The following KREMEN2 variants were observed in gnomAD, a reference collection of about 807,000 sequenced individuals.
KREMEN2 encodes the protein kremen protein 2.
A neutral mutation model predicts 49.8 loss-of-function variants in KREMEN2; 43 were observed. The observed-to-expected ratio is 0.86, with a 90% CI of 0.68 to 1.11. KREMEN2 has a LOEUF of 1.11. Ranked by LOEUF, KREMEN2 falls within the 50% of genes most tolerant of loss-of-function variation. The probability of loss-of-function intolerance (pLI) is 0.00; values close to 1 mark genes in which losing one functional copy is unlikely to be tolerated. For synonymous variants in KREMEN2, 355 were observed against 304.9 expected, an observed-to-expected ratio of 1.16 and a Z score of -1.71; for missense variants, 686 against 665.7, an observed-to-expected ratio of 1.03 and a Z score of -0.34.
chr16:2,964,650 AC>A (rs770013252), intron 1 of KREMEN2, 36 bp downstream of exon 1: 48 of 1,527,108 alleles, frequency 3.1e-5, no homozygotes, highest in Non-Finnish European at 4.3e-5. Context: ...CGTGTTCACC[AC>A]CCCTTCCTCG....
Position 2,964,924 on chromosome 16 carries a change from CGCGGG to C in KREMEN2, c.166_170del (p.Ala56ProfsTer34). 3 of 1,604,794 alleles carry C rather than the reference CGCGGG, an allele frequency of 1.9e-6. No homozygotes were observed. Among genetic ancestry groups the C allele is most frequent in the Non-Finnish European group, 2.6e-6 (3 of 1,176,304 alleles). On this transcript the variant is annotated frameshift_variant, in exon 2 of 9. Transcript: ENST00000303746. LOFTEE classifies it high-confidence loss of function. ...CGGCCACCAGAACCGCACTGGCCCG[CGCGGG>C]GCGGGCCGCCCGTGCCTCTTCTGGG... is the stretch of plus-strand genomic sequence containing the variant.
At position 2,966,539 on chromosome 16, in the gene KREMEN2, C is replaced by T; in HGVS notation, c.486+90C>T. The T allele has an allele frequency of 6.3e-7, 1 of 1,581,604 alleles. No homozygotes were observed. The highest frequency in any genetic ancestry group is 8.6e-7 in the Non-Finnish European group (1 of 1,168,112). On this transcript the variant is annotated intron_variant, in intron 4 of 8. Coordinates refer to ENST00000303746, the MANE Select transcript of KREMEN2 (RefSeq NM_172229.3). This position sits in a 1 kb window ranked among gnomAD's most constrained non-coding sequence, Gnocchi z 8.4. Reference sequence around the variant, plus strand: ...ACACTCGGTTGCCAAACCCAGACACCGGTTTCTGAACCTCCAGCCCGATTC... The same window carrying T: ...ACACTCGGTTGCCAAACCCAGACACTGGTTTCTGAACCTCCAGCCCGATTC...
At position 2,964,303 on chromosome 16, in the gene KREMEN2, G is replaced by T. The variant is rs1487777259; in HGVS notation, c.-218G>T. 4 of 439,522 alleles carry T rather than the reference G, an allele frequency of 9.1e-6. No homozygotes were observed. Among genetic ancestry groups the T allele is most frequent in the African/African-American group, 8.2e-5 (4 of 48,678 alleles). The allele number at this position is 439,522 out of a possible 1,614,324, so 27.2% of individuals were successfully genotyped here. ...TTCCCCCCGGAGAGACCCGGGTAGGGACAGGGACAGAGAGACGCCTCTAGG... is the reference window on the plus strand; with the variant it reads ...TTCCCCCCGGAGAGACCCGGGTAGGTACAGGGACAGAGAGACGCCTCTAGG... On this transcript the variant is annotated 5_prime_UTR_variant, in exon 1 of 9. Coordinates refer to ENST00000303746, the MANE Select transcript of KREMEN2 (RefSeq NM_172229.3).
chr16:2,967,057 T>G lies in KREMEN2; in HGVS notation c.788T>G (p.Phe263Cys). The G allele has an allele frequency of 6.5e-7, 1 of 1,533,044 alleles. No individual in the cohort carries two copies. Among genetic ancestry groups the G allele is most frequent in the Non-Finnish European group, 8.7e-7 (1 of 1,143,216 alleles). 95.0% of individuals were successfully genotyped at this position (1,533,044 alleles called of 1,614,324 possible). Residue 263 changes from phenylalanine to cysteine, a missense_variant, in exon 6 of 9, where the codon TTC (phenylalanine) becomes TGC (cysteine). Phe to Cys is a radical substitution (Grantham distance 205). Transcript: ENST00000303746. The stretch of plus-strand genomic sequence containing the variant: ...GCGCTGGAGCTCACCTTCCGCCTCT[T>G]CGAGCTGGCCGACCCGCGCGACCGG... ...GAALELTFRL[F>C]ELADPRDRLE...
At chr16:2,965,066 T>C (rs764336190) in intron 2 of KREMEN2, 33 bp downstream of exon 2, 10 of 1,477,738 alleles carry the variant, frequency 6.8e-6, no homozygotes, top group Non-Finnish European at 8.0e-6. Flanking sequence ...GGGGCGAGGC[T>C]GGGCTCACCA....
At chr16:2,965,382 C>T (rs971696698) in intron 2 of KREMEN2, among the ~76,000 whole-genome samples, 4 of 151,956 alleles carry the variant, frequency 2.6e-5, no homozygotes, top group Non-Finnish European at 5.9e-5. Flanking sequence ...TGTCATACAA[C>T]TTATTTTGGG....
rs575798890 is a variant in KREMEN2, at chr16:2,967,378, G to A, written c.1032G>A (p.Ala344=). The change falls in exon 7 of 9, where the codon GCG becomes GCA. Residue 344 remains alanine, a synonymous_variant. Coordinates refer to ENST00000303746, the MANE Select transcript of KREMEN2 (RefSeq NM_172229.3). ...CCGAGGGCTCGGCCCAGACCCCCGC[G>A]GCGCCCCTCGACGGGGCCAACGTGA... The part of the protein sequence containing the change: ...EAPEGSAQTP[A]APLDGANVSC... 5.2e-3 allele frequency: 7,324 copies of A among 1,400,442 alleles called. 19 individuals carry two copies. Among genetic ancestry groups the A allele is most frequent in the Middle Eastern group, 6.8e-3 (26 of 3,848 alleles). 86.8% of individuals were successfully genotyped at this position (1,400,442 alleles called of 1,614,324 possible). A position where few individuals can be genotyped will look rare whatever the true frequency, so the allele number is the denominator to read the frequency against.
In KREMEN2 at chr16:2,966,933, A is replaced by G; in HGVS notation, c.664A>G (p.Asn222Asp). The change falls in exon 6 of 9, where the codon AAC (asparagine) becomes GAC (aspartate). Residue 222 changes from asparagine to aspartate, a missense_variant. By Grantham distance (23) the Asn-to-Asp change is conservative. Coordinates refer to ENST00000303746, the MANE Select transcript of KREMEN2 (RefSeq NM_172229.3). This position sits in a 1 kb window ranked among gnomAD's most constrained non-coding sequence, Gnocchi z 8.4. ...YEVSVGSCQG[N>D]WTAPQGVIYS... is the part of the protein sequence containing the mutation. ...AGTGTCGGTGGGCTCCTGCCAGGGG[A>G]ACTGGACAGCGCCTCAGGGCGTCAT... The G allele has an allele frequency of 6.4e-7, 1 of 1,553,578 alleles. No individual in the cohort carries two copies. The highest frequency in any genetic ancestry group is 8.7e-7 in the Non-Finnish European group (1 of 1,147,716).
chr16:2,965,090 C>G (rs1355699822), intron 2 of KREMEN2, 57 bp downstream of exon 2: 1 of 1,360,924 alleles, frequency 7.3e-7, no homozygotes, highest in African/African-American at 1.6e-5. Flanking sequence ...CAGGGATGGC[C>G]CGAAGCGGGG....
chr16:2,964,436 T>C lies in KREMEN2; in HGVS notation c.-85T>C, dbSNP rs1461926146. On this transcript the variant is annotated 5_prime_UTR_variant, in exon 1 of 9. Transcript: ENST00000303746. The stretch of plus-strand genomic sequence containing the variant: ...GAGACTGTCAGAGGACAACGCCCCC[T>C]AGGTCTCCTGGGAGACCCCGAAGCG... 2.2e-6 allele frequency: 2 copies of C among 911,616 alleles called. No individual in the cohort carries two copies. Among genetic ancestry groups the C allele is most frequent in the African/African-American group, 3.5e-5 (2 of 57,210 alleles). 56.5% of individuals were successfully genotyped at this position (911,616 alleles called of 1,614,324 possible).
At chr16:2,965,422 G>C (rs1049219226) in intron 2 of KREMEN2, among the ~76,000 whole-genome samples, 1 of 152,164 alleles carries the variant, frequency 6.6e-6, no homozygotes, top group Non-Finnish European at 1.5e-5. Flanking sequence ...GTCTGAGGCA[G>C]GATGGACCCA....
Position 2,968,326 on chromosome 16 carries a change from A to T in KREMEN2, c.*306A>T. 6.5e-7 allele frequency: 1 copy of T among 1,529,354 alleles called. No homozygotes were observed. The highest frequency in any genetic ancestry group is 1.2e-5 in the South Asian group (1 of 83,924). The allele number at this position is 1,529,354 out of a possible 1,614,324, so 94.7% of individuals were successfully genotyped here. A position where few individuals can be genotyped will look rare whatever the true frequency, so the allele number is the denominator to read the frequency against. On this transcript the variant is annotated 3_prime_UTR_variant, in exon 9 of 9. Transcript: ENST00000303746. ...CGTCCTCAGTGAGAGGTCACAGGTC[A>T]GCAAAAACAGTCAAAAAACCCCCAC...
rs1323093817 is a variant in KREMEN2, at chr16:2,967,891, C to A, written c.1260C>A (p.Tyr420Ter). 4 of 1,558,740 alleles carry A rather than the reference C, an allele frequency of 2.6e-6. No individual in the cohort carries two copies. In the South Asian group the frequency reaches 4.7e-5, roughly 18 times the overall value. Residue 420 changes from tyrosine to a stop codon, truncating the protein, a stop_gained, in exon 9 of 9, where the codon TAC becomes TAA. Transcript: ENST00000303746. LOFTEE classifies it high-confidence loss of function. ...RGPRRSWAVW[Y>*]QQPRGVALPC... ...CCAGGAGAAGCTGGGCTGTGTGGTA[C>A]CAACAGCCCCGAGGGGTGGCCTTGC...
Position 2,964,394 on chromosome 16 carries a change from TCA to T in KREMEN2, c.-126_-125del. 6.1e-6 allele frequency: 4 copies of T among 656,484 alleles called. No individual in the cohort carries two copies. Among genetic ancestry groups the T allele is most frequent in the Non-Finnish European group, 1.0e-5 (4 of 382,180 alleles). The allele number at this position is 656,484 out of a possible 1,614,324, so 40.7% of individuals were successfully genotyped here. A position where few individuals can be genotyped will look rare whatever the true frequency, so the allele number is the denominator to read the frequency against. ...ACCCACCCCAGACGGAAAGCGCGGC[TCA>T]GAGTCGGACGAGGGGAGACTGTCAG... On this transcript the variant is annotated 5_prime_UTR_variant, in exon 1 of 9. Coordinates refer to ENST00000303746, the MANE Select transcript of KREMEN2 (RefSeq NM_172229.3).
At position 2,968,157 on chromosome 16, in the gene KREMEN2, A is replaced by T. The variant is rs1405605027; in HGVS notation, c.*137A>T. Reference sequence around the variant, plus strand: ...TCGCCTTGGGGAGACCAAAAGTCGGACAGGAAACATCTGGTGCTATTATCT... The same window carrying T: ...TCGCCTTGGGGAGACCAAAAGTCGGTCAGGAAACATCTGGTGCTATTATCT... On this transcript the variant is annotated 3_prime_UTR_variant, in exon 9 of 9. Coordinates refer to ENST00000303746, the MANE Select transcript of KREMEN2 (RefSeq NM_172229.3). The T allele has an allele frequency of 4.9e-6, 5 of 1,017,160 alleles. No individual in the cohort carries two copies. The highest frequency in any genetic ancestry group is 4.8e-5 in the African/African-American group (3 of 62,598). 63.0% of individuals were successfully genotyped at this position (1,017,160 alleles called of 1,614,324 possible). A position where few individuals can be genotyped will look rare whatever the true frequency, so the allele number is the denominator to read the frequency against.
Position 2,965,075 on chromosome 16 carries a change from C to G in KREMEN2, c.269+42C>G, listed in dbSNP as rs779149167. The G allele has an allele frequency of 4.5e-5, 65 of 1,444,660 alleles. No homozygotes were observed. The East Asian group carries it at 1.7e-3, about 38-fold the overall frequency. The allele number at this position is 1,444,660 out of a possible 1,614,324, so 89.5% of individuals were successfully genotyped here. ...GCGCTGGGGGCGAGGCTGGGCTCAC[C>G]ATTGCAGGGATGGCCCGAAGCGGGG... On this transcript the variant is annotated intron_variant, in intron 2 of 8. Transcript: ENST00000303746.
rs997228429 is a variant in KREMEN2 at position 2,964,492 on chromosome 16, C to A, written c.-29C>A. Reference sequence around the variant, plus strand: ...GGGGGCAGCCCGGGCCGTGTCCGGGCGAGGGTGACCTATCCTTGGTTGAGA... The same window carrying A: ...GGGGGCAGCCCGGGCCGTGTCCGGGAGAGGGTGACCTATCCTTGGTTGAGA... On this transcript the variant is annotated 5_prime_UTR_variant, in exon 1 of 9. Transcript: ENST00000303746. 2 of 1,506,568 alleles carry A rather than the reference C, an allele frequency of 1.3e-6. No homozygotes were observed. The highest frequency in any genetic ancestry group is 1.8e-6 in the Non-Finnish European group (2 of 1,121,170). The allele number at this position is 1,506,568 out of a possible 1,614,324, so 93.3% of individuals were successfully genotyped here.
chr16:2,967,991 T>A lies in KREMEN2; in HGVS notation c.1360T>A (p.Ser454Thr). The A allele has an allele frequency of 6.3e-7, 1 of 1,575,976 alleles. No individual in the cohort carries two copies. Among genetic ancestry groups the A allele is most frequent in the Non-Finnish European group, 8.6e-7 (1 of 1,166,978 alleles). ...YRPLSASSQS[S>T]LRSLISAL ...GCCTCTGAGTGCCTCCAGCCAGAGC[T>A]CCCTGCGCTCGCTCATCTCCGCTCT... is the stretch of plus-strand genomic sequence containing the variant. Residue 454 changes from serine to threonine, a missense_variant, in exon 9 of 9, where the codon TCC becomes ACC. By Grantham distance (58) the Ser-to-Thr change is moderately conservative (BLOSUM62 1). Transcript: ENST00000303746.
Position 2,967,082 on chromosome 16 carries a change from G to C in KREMEN2, c.813G>C (p.Arg271=). The change falls in exon 6 of 9, where the codon CGG becomes CGC. Residue 271 remains arginine, a synonymous_variant. Coordinates refer to ENST00000303746, the MANE Select transcript of KREMEN2 (RefSeq NM_172229.3). ...TCGAGCTGGCCGACCCGCGCGACCG[G>C]CTGGAGCTGCGCGACGCGGCTTCGG... is the stretch of plus-strand genomic sequence containing the variant. ...RLFELADPRD[R]LELRDAASGS... is the part of the protein sequence containing the mutation. 1 of 1,511,062 alleles carries C rather than the reference G, an allele frequency of 6.6e-7. No homozygotes were observed. 93.6% of individuals were successfully genotyped at this position (1,511,062 alleles called of 1,614,324 possible).
Sources: allele counts gnomAD v4.1 joint callset (sites outside exome capture counted in the v4.1 genomes callset), GRCh38; gene constraint gnomAD v4.1.1; non-coding constraint Gnocchi (gnomAD v3.1); transcripts MANE v1.5; gene names NCBI Gene and HGNC (gene_info 2026-07-23, HGNC 2026-07-21).